Variants in LMNTD1 observed in about 807,000 individuals in gnomAD.
LMNTD1 encodes lamin tail domain containing 1, also known as lamin tail domain-containing protein 1.
A neutral mutation model predicts 50.9 loss-of-function variants in LMNTD1; 35 were observed. That is an observed-to-expected ratio of 0.69 (90% confidence interval 0.53 to 0.91). LMNTD1 has a LOEUF of 0.91. Ranked by LOEUF, LMNTD1 falls within the 40% of genes least tolerant of loss-of-function variation. LMNTD1 has a pLI of 0.00. For synonymous variants in LMNTD1, 153 were observed against 161.9 expected (o/e 0.94, Z 0.42); for missense variants, 470 against 475.5 (o/e 0.99, Z 0.11).
At chr12:25,548,187 TG>T (rs1456552974) in intron 3 of LMNTD1, among the ~76,000 whole-genome samples, 2 of 151,624 alleles carry the variant, frequency 1.3e-5, no homozygotes, top group Non-Finnish European at 3.0e-5. Context: ...ATAGGGAATC[TG>T]ACCATAATGG....
chr12:25,599,681 A>T (rs1276423689), intron 1 of LMNTD1, among the ~76,000 whole-genome samples: 4 of 152,036 alleles, frequency 2.6e-5, no homozygotes. Flanking sequence ...AATGAAATTT[A>T]AAAATAATCC....
At chr12:25,531,918 C>T (rs1405734379) in intron 4 of LMNTD1, among the ~76,000 whole-genome samples, 1 of 152,046 alleles carries the variant, frequency 6.6e-6, no homozygotes, top group Non-Finnish European at 1.5e-5. Context: ...TTAAACCCAC[C>T]TACTGAAATA....
chr12:25,519,979 A>C lies in LMNTD1; in HGVS notation c.895T>G (p.Phe299Val). 1 of 1,613,522 alleles carries C rather than the reference A, an allele frequency of 6.2e-7. No homozygotes were observed. The highest frequency in any genetic ancestry group is 8.5e-7 in the Non-Finnish European group (1 of 1,179,758). Residue 299 changes from phenylalanine to valine, a missense_variant, in exon 7 of 10, where the codon TTC (phenylalanine) becomes GTC (valine). Physicochemically the swap from Phe to Val is conservative, Grantham distance 50. Coordinates refer to ENST00000458174, the MANE Select transcript of LMNTD1 (RefSeq NM_001145728.2). Reference sequence around the variant, plus strand: ...GTCCACTGAAACACACGCTTTCGGAATGTTGGAGATACTACTGAACATCTG... The same window carrying C: ...GTCCACTGAAACACACGCTTTCGGACTGTTGGAGATACTACTGAACATCTG... ...FNRCSVVSPT[F>V]RKRVFQWTAS...
At chr12:25,519,047 G>C in intron 7 of LMNTD1, 80 bp from the exon 8 acceptor site, 3 of 1,323,844 alleles carry the variant, frequency 2.3e-6, no homozygotes, top group Non-Finnish European at 3.2e-6. Flanking sequence ...AATTAAAGGG[G>C]AAGCATATTT....
chr12:25,626,558 C>T (rs75661943), intron 1 of LMNTD1, among the ~76,000 whole-genome samples: 3,790 of 152,116 alleles, frequency 0.025, 96 homozygotes, highest in African/African-American at 0.066. Context: ...GACTAATATA[C>T]CTAGTGATTC....
At position 25,484,214 on chromosome 12, in the gene LMNTD1, C is replaced by T. The variant is rs139367982; in HGVS notation, c.*23-7754G>A. Among the ~76,000 whole-genome samples the T allele has an allele frequency of 1.8e-3, 269 of 152,036 alleles. 6 individuals are homozygous for T. Among genetic ancestry groups the T allele is most frequent in the African/African-American group, 6.1e-3 (251 of 41,332 alleles). On this transcript the variant is annotated intron_variant, in intron 9 of 9. Coordinates refer to ENST00000458174, the MANE Select transcript of LMNTD1 (RefSeq NM_001145728.2). ...TTTGTTTTTAAAATAAAAGTGTTTA[C>T]GTAGAAAAATAATTTGCATGAATAT...
In LMNTD1 at chr12:25,502,277, T is replaced by C. The variant is rs566692874; in HGVS notation, c.*22+1461A>G. Among the ~76,000 whole-genome samples the C allele has an allele frequency of 4.6e-5, 7 of 152,324 alleles. No homozygotes were observed. The South Asian group carries it at 1.4e-3, about 32-fold the overall frequency. ...TAAAATGTCCCCTTTCCAACTCATATGCAAATTCAGTAGAATTCTCTCTGG... is the reference window on the plus strand; with the variant it reads ...TAAAATGTCCCCTTTCCAACTCATACGCAAATTCAGTAGAATTCTCTCTGG... On this transcript the variant is annotated intron_variant, in intron 9 of 9. Coordinates refer to ENST00000458174, the MANE Select transcript of LMNTD1 (RefSeq NM_001145728.2).
intron 1 of LMNTD1, among the ~76,000 whole-genome samples, chr12:25,600,926 G>A (rs1402654911): frequency 6.6e-6 from 1 of 151,978 alleles, no homozygotes; most frequent in Non-Finnish European, 1.5e-5. Context: ...CCTACCATAT[G>A]ACCTAGCAAT....
chr12:25,644,627 G>GT (rs1184821207), intron 1 of LMNTD1, among the ~76,000 whole-genome samples: 3 of 152,152 alleles, frequency 2.0e-5, no homozygotes, highest in East Asian at 3.9e-4. Flanking sequence ...GTATTTTGAG[G>GT]TTTTTTTTGT....
intron 1 of LMNTD1, among the ~76,000 whole-genome samples, chr12:25,608,467 GT>G (rs1298488651): frequency 6.6e-6 from 1 of 152,152 alleles, no homozygotes; most frequent in African/African-American, 2.4e-5. Context: ...GCAGTGACTG[GT>G]ACTGGTTGTT....
chr12:25,642,304 T>C (rs1290796194), intron 1 of LMNTD1, among the ~76,000 whole-genome samples: 1 of 152,144 alleles, frequency 6.6e-6, no homozygotes, highest in Non-Finnish European at 1.5e-5. Context: ...TAGGTTTAAA[T>C]AAGGTCATGA....
At chr12:25,616,386 C>G (rs1016431058) in intron 1 of LMNTD1, among the ~76,000 whole-genome samples, 7 of 152,080 alleles carry the variant, frequency 4.6e-5, no homozygotes, top group African/African-American at 1.7e-4. Flanking sequence ...CACACAACAA[C>G]CTGGATGAAT....
chr12:25,570,884 C>T (rs1227335831), intron 1 of LMNTD1, among the ~76,000 whole-genome samples: 2 of 152,182 alleles, frequency 1.3e-5, no homozygotes, highest in Non-Finnish European at 1.5e-5. Context: ...GAAAGGTCCT[C>T]TTTGTTAGTT....
At chr12:25,645,839 G>A (rs770593168) in intron 1 of LMNTD1, among the ~76,000 whole-genome samples, 5 of 152,180 alleles carry the variant, frequency 3.3e-5, no homozygotes, top group Non-Finnish European at 7.3e-5. Context: ...TAAAGTAACT[G>A]TAAATAGCAG....
chr12:25,529,921 G>A (rs912815671), intron 4 of LMNTD1, among the ~76,000 whole-genome samples: 19 of 152,044 alleles, frequency 1.2e-4, no homozygotes, highest in African/African-American at 4.6e-4. Flanking sequence ...TTCCTTGCAA[G>A]AGCATGATTC....
intron 1 of LMNTD1, among the ~76,000 whole-genome samples, chr12:25,585,828 C>T (rs964805092): frequency 2.0e-5 from 3 of 152,146 alleles, no homozygotes; most frequent in South Asian, 2.1e-4. Flanking sequence ...TGTTGATTAG[C>T]GTGGGTGATT....
intron 9 of LMNTD1, among the ~76,000 whole-genome samples, chr12:25,477,043 T>G (rs1938290792): frequency 6.6e-6 from 1 of 152,172 alleles, no homozygotes; most frequent in African/African-American, 2.4e-5. Flanking sequence ...CCCCAGACCC[T>G]TGGAGAATCA....
chr12:25,486,986 G>A (rs1224674251), intron 9 of LMNTD1, among the ~76,000 whole-genome samples: 6 of 151,904 alleles, frequency 3.9e-5, no homozygotes, highest in African/African-American at 1.5e-4. Context: ...TGATTGCACT[G>A]TGGTCTGAGA....
rs1252061279 is a variant in LMNTD1, at chr12:25,549,382, C to T, written c.254G>A (p.Gly85Glu). The T allele has an allele frequency of 1.2e-6, 2 of 1,612,942 alleles. No homozygotes were observed. The highest frequency in any genetic ancestry group is 1.7e-5 in the Admixed American group (1 of 59,958). ...TACAGTAGCTTTAGAAGTCAATTGT[C>T]CAGTTGTTGATATAGTTACTCTACT... ...QISRVTISTT[G>E]QLTSKATVGS... The change falls in exon 3 of 10, where the codon GGA becomes GAA. Residue 85 changes from glycine (G) to glutamate (E), a missense_variant. Gly to Glu is a moderately conservative substitution (Grantham distance 98). Transcript: ENST00000458174.
Sources: allele counts gnomAD v4.1 joint callset (sites outside exome capture counted in the v4.1 genomes callset), GRCh38; gene constraint gnomAD v4.1.1; transcripts MANE v1.5; gene names NCBI Gene and HGNC (gene_info 2026-07-23, HGNC 2026-07-21).